Variants in PPP2R2B observed in about 807,000 individuals in gnomAD.
PPP2R2B encodes protein phosphatase 2 regulatory subunit Bbeta, also known as serine/threonine-protein phosphatase 2A 55 kDa regulatory subunit B beta isoform.
PPP2R2B carries 5 observed loss-of-function variants against 46.0 expected under a neutral mutation model. The observed-to-expected ratio is 0.11, with a 90% CI of 0.06 to 0.23. PPP2R2B has a LOEUF of 0.23. Ranked by LOEUF, PPP2R2B falls within the 10% of genes least tolerant of loss-of-function variation. The pLI, the probability that PPP2R2B is intolerant of heterozygous loss-of-function variation, is 1.00. For synonymous variants in PPP2R2B, 215 were observed against 206.7 expected (o/e 1.04, Z -0.34); for missense variants, 367 against 575.0 (o/e 0.64, Z 3.70).
chr5:146,913,511 T>C (rs955548231), intron 1 of PPP2R2B, among the ~76,000 whole-genome samples: 8 of 152,066 alleles, frequency 5.3e-5, no homozygotes, highest in Admixed American at 4.6e-4. Context: ...ATTCTATTTA[T>C]ATTCTAGGCC....
At chr5:146,825,997 T>C (rs1424412515) in intron 2 of PPP2R2B, among the ~76,000 whole-genome samples, 1 of 152,164 alleles carries the variant, frequency 6.6e-6, no homozygotes, top group African/African-American at 2.4e-5. Flanking sequence ...GAGTTATAGA[T>C]ATAAGAAGAA....
intron 2 of PPP2R2B, among the ~76,000 whole-genome samples, chr5:146,770,330 C>CAAAAA (rs5871992): frequency 4.7e-4 from 28 of 60,046 alleles, no homozygotes; most frequent in African/African-American, 8.0e-4. Context: ...GATTCCGTCT[C>CAAAAA]AAAAAAAAAA....
chr5:146,927,301 T>C (rs1188935944), intron 1 of PPP2R2B, among the ~76,000 whole-genome samples: 1 of 152,144 alleles, frequency 6.6e-6, no homozygotes, highest in South Asian at 2.1e-4. Context: ...GTCCACTCTT[T>C]GCCTTGGGTT....
intron 6 of PPP2R2B, among the ~76,000 whole-genome samples, chr5:146,642,325 G>A (rs1775276138): frequency 6.6e-6 from 1 of 152,230 alleles, no homozygotes. Context: ...TGGTTCATCA[G>A]TGTGGGATGA....
At chr5:146,600,543 CAG>C in intron 7 of PPP2R2B, 83 bp from the exon 8 acceptor site, 1 of 1,390,498 alleles carries the variant, frequency 7.2e-7, no homozygotes, top group Non-Finnish European at 9.9e-7. Flanking sequence ...AGGAAGCTGA[CAG>C]TGTAACTGAG....
At chr5:146,594,502 C>T (rs765761703) in intron 8 of PPP2R2B, among the ~76,000 whole-genome samples, 6 of 152,170 alleles carry the variant, frequency 3.9e-5, no homozygotes, top group African/African-American at 2.4e-5. Flanking sequence ...GCAATAATAA[C>T]GGGCATACCC....
chr5:146,868,897 T>C (rs914828832), intron 2 of PPP2R2B, among the ~76,000 whole-genome samples: 1 of 152,224 alleles, frequency 6.6e-6, no homozygotes, highest in African/African-American at 2.4e-5. Context: ...TTCTACTCAC[T>C]GTTGTGTAAC....
At chr5:146,907,704 T>C (rs1246153771) in intron 1 of PPP2R2B, among the ~76,000 whole-genome samples, 1 of 152,264 alleles carries the variant, frequency 6.6e-6, no homozygotes, top group Non-Finnish European at 1.5e-5. Flanking sequence ...AAGGCCCAGC[T>C]AAGTTTTTGT....
chr5:147,058,974 T>C (rs1757175437), upstream of PPP2R2B, among the ~76,000 whole-genome samples: 1 of 152,186 alleles, frequency 6.6e-6, no homozygotes, highest in Admixed American at 6.6e-5. Flanking sequence ...GATTCTTCCT[T>C]TAAAGTTTGA....
intron 2 of PPP2R2B, chr5:146,856,480 T>G: frequency 6.5e-7 from 1 of 1,530,036 alleles, no homozygotes; most frequent in African/African-American, 1.4e-5. Context: ...AGAGTAGGTA[T>G]AAATAATAAT....
chr5:147,021,565 G>A (rs1382202467), intron 1 of PPP2R2B, among the ~76,000 whole-genome samples: 1 of 152,180 alleles, frequency 6.6e-6, no homozygotes, highest in Non-Finnish European at 1.5e-5. Context: ...GAGCTTCCAT[G>A]TGAGATGTTG....
chr5:147,006,835 T>A (rs1754460373), intron 1 of PPP2R2B, among the ~76,000 whole-genome samples: 1 of 151,846 alleles, frequency 6.6e-6, no homozygotes, highest in South Asian at 2.1e-4. Flanking sequence ...GGAAGAGTGT[T>A]GTTTTTACAC....
chr5:146,653,942 G>A (rs1481873805), intron 5 of PPP2R2B, among the ~76,000 whole-genome samples: 1 of 152,134 alleles, frequency 6.6e-6, no homozygotes, highest in Non-Finnish European at 1.5e-5. Flanking sequence ...CCCTCACAAG[G>A]AGAAAGAGGG....
chr5:146,831,125 T>C (rs1018083689), intron 2 of PPP2R2B, among the ~76,000 whole-genome samples: 4 of 152,114 alleles, frequency 2.6e-5, no homozygotes, highest in African/African-American at 9.7e-5. Flanking sequence ...ATGTTACTCG[T>C]TATGTATACT....
At chr5:147,050,002 C>T (rs943139140) in intron 1 of PPP2R2B, among the ~76,000 whole-genome samples, 1 of 152,070 alleles carries the variant, frequency 6.6e-6, no homozygotes, top group Non-Finnish European at 1.5e-5. Context: ...GTGTGGACTG[C>T]AAAACGTGAT....
chr5:146,926,846 G>A (rs1763797995), intron 1 of PPP2R2B, among the ~76,000 whole-genome samples: 1 of 152,110 alleles, frequency 6.6e-6, no homozygotes, highest in South Asian at 2.1e-4. Flanking sequence ...CATATGCACA[G>A]CCTCAGCCAG....
chr5:146,877,990 G>C lies in PPP2R2B; in HGVS notation c.70+12C>G. ...CGGCCCCAACGGCGGAATGCGGCGG[G>C]GCTGGCGTTACCTTCGGTCGCATAG... On this transcript the variant is annotated intron_variant, in intron 2 of 9. Coordinates refer to ENST00000394411, the MANE Select transcript of PPP2R2B (RefSeq NM_181675.4). The C allele has an allele frequency of 1.2e-6, 2 of 1,609,016 alleles. No individual in the cohort carries two copies. The highest frequency in any genetic ancestry group is 1.7e-6 in the Non-Finnish European group (2 of 1,176,524).
In PPP2R2B at chr5:146,615,246, G is replaced by A. The variant is rs1389909645; in HGVS notation, c.791-14786C>T. 7.0e-4 allele frequency among the ~76,000 whole-genome samples: 50 copies of A among 71,642 alleles called. No homozygotes were observed. In the East Asian group the frequency reaches 0.015, roughly 22 times the overall value. The allele number at this position is 71,642 out of a possible 152,430, so 47.0% of individuals were successfully genotyped here. On this transcript the variant is annotated intron_variant, in intron 7 of 9. Coordinates refer to ENST00000394411, the MANE Select transcript of PPP2R2B (RefSeq NM_181675.4). Reference sequence around the variant, plus strand: ...AAACCATCATTCTCAGTAAACTATCGCAAGAACAAAAAACCAAACACCGCA... The same window carrying A: ...AAACCATCATTCTCAGTAAACTATCACAAGAACAAAAAACCAAACACCGCA...
At chr5:146,886,825 A>G (rs35003679) in intron 1 of PPP2R2B, among the ~76,000 whole-genome samples, 3,912 of 151,468 alleles carry the variant, frequency 0.026, 77 homozygotes, top group Non-Finnish European at 0.038. Context: ...AAACTTTTTT[A>G]GTAAAAAAAA....
Sources: allele counts gnomAD v4.1 joint callset (sites outside exome capture counted in the v4.1 genomes callset), GRCh38; gene constraint gnomAD v4.1.1; transcripts MANE v1.5; gene names NCBI Gene and HGNC (gene_info 2026-07-23, HGNC 2026-07-21).